JAM3: variants seen among roughly 807,000 people sequenced by gnomAD.
JAM3 encodes junctional adhesion molecule 3, also known as junctional adhesion molecule C.
JAM3 carries 31 observed loss-of-function variants against 39.4 expected under a neutral mutation model. The ratio of observed to expected loss-of-function variants is 0.79; its 90% CI spans 0.59 to 1.06. The LOEUF (loss-of-function observed/expected upper bound fraction) is 1.06, where lower values mean the gene tolerates loss of function less well. JAM3 is among the 50% of genes least tolerant of loss of function. JAM3 has a pLI of 0.00. For missense variants in JAM3, 455 were observed against 391.4 expected, an observed-to-expected ratio of 1.16 and a Z score of -1.37; for synonymous variants, 182 against 148.7, an observed-to-expected ratio of 1.22 and a Z score of -1.63.
intron 4 of JAM3, 77 bp downstream of exon 4, chr11:134,144,470 C>T (rs866505207): frequency 6.5e-7 from 1 of 1,545,372 alleles, no homozygotes; most frequent in South Asian, 1.1e-5. Flanking sequence ...TTCTTTCCTT[C>T]TAGAACTGTA....
chr11:134,110,362 T>G (rs1468758486), intron 1 of JAM3, among the ~76,000 whole-genome samples: 1 of 152,246 alleles, frequency 6.6e-6, no homozygotes, highest in Non-Finnish European at 1.5e-5. Context: ...ACACAAATAT[T>G]TATTTGTAGC....
At chr11:134,125,384 T>C (rs931042144) in intron 1 of JAM3, among the ~76,000 whole-genome samples, 6 of 152,260 alleles carry the variant, frequency 3.9e-5, no homozygotes, top group African/African-American at 1.4e-4. Context: ...GGATCTCCTT[T>C]TAGGCTTCAA....
intron 1 of JAM3, among the ~76,000 whole-genome samples, chr11:134,114,874 A>G (rs909086510): frequency 4.6e-5 from 7 of 152,188 alleles, no homozygotes; most frequent in Admixed American, 4.6e-4. Flanking sequence ...TAGTCGATAG[A>G]ATTTTTAAAA....
intron 1 of JAM3, among the ~76,000 whole-genome samples, chr11:134,132,460 A>G (rs1024163955): frequency 6.6e-6 from 1 of 152,236 alleles, no homozygotes; most frequent in African/African-American, 2.4e-5. Context: ...GAATACTTAG[A>G]CAATAATTCG....
At chr11:134,080,992 T>C (rs1941656378) in intron 1 of JAM3, among the ~76,000 whole-genome samples, 1 of 152,194 alleles carries the variant, frequency 6.6e-6, no homozygotes, top group African/African-American at 2.4e-5. Context: ...TAAAGGTGAC[T>C]CTTGGTATAT....
At chr11:134,109,243 T>G (rs1015263606) in intron 1 of JAM3, among the ~76,000 whole-genome samples, 2 of 152,096 alleles carry the variant, frequency 1.3e-5, no homozygotes, top group Non-Finnish European at 2.9e-5. Flanking sequence ...ATTACAGGCG[T>G]GAGCCACCGT....
At chr11:134,103,277 A>C (rs145443460) in intron 1 of JAM3, among the ~76,000 whole-genome samples, 23 of 152,216 alleles carry the variant, frequency 1.5e-4, no homozygotes, top group Non-Finnish European at 2.8e-4. Flanking sequence ...TCATAAGTGA[A>C]GGAGAAATAA....
chr11:134,122,760 T>C (rs1294749595), intron 1 of JAM3, among the ~76,000 whole-genome samples: 1 of 152,240 alleles, frequency 6.6e-6, no homozygotes, highest in African/African-American at 2.4e-5. Flanking sequence ...AATTCGCTGC[T>C]ATTTCTTTGA....
At chr11:134,126,753 G>A (rs1200804381) in intron 1 of JAM3, among the ~76,000 whole-genome samples, 3 of 152,182 alleles carry the variant, frequency 2.0e-5, no homozygotes, top group Admixed American at 6.5e-5. Flanking sequence ...CACTGTGCAT[G>A]GCAAGGGGCA....
intron 3 of JAM3, 87 bp downstream of exon 3, chr11:134,140,857 C>T: frequency 6.6e-7 from 1 of 1,513,468 alleles, no homozygotes; most frequent in Non-Finnish European, 8.9e-7. Flanking sequence ...TTACCTCAGA[C>T]TGGTAACCTG....
At chr11:134,080,295 A>G (rs1340008862) in intron 1 of JAM3, among the ~76,000 whole-genome samples, 2 of 152,242 alleles carry the variant, frequency 1.3e-5, no homozygotes, top group Non-Finnish European at 2.9e-5. Flanking sequence ...CCTTGGGGTA[A>G]CGTCAGTGAA....
At chr11:134,145,768 G>C (rs111841891) in intron 5 of JAM3, among the ~76,000 whole-genome samples, 178 bp from the exon 6 acceptor site, 1 of 152,224 alleles carries the variant, frequency 6.6e-6, no homozygotes, top group Admixed American at 6.5e-5. Flanking sequence ...AAGGGGATTG[G>C]TTGTTGGGGA....
chr11:134,110,954 C>A (rs1942297602), intron 1 of JAM3, among the ~76,000 whole-genome samples: 1 of 151,794 alleles, frequency 6.6e-6, no homozygotes, highest in Non-Finnish European at 1.5e-5. Context: ...TAGCTCTGTA[C>A]CAAATCCCTG....
chr11:134,070,831 C>G (rs1378057268), intron 1 of JAM3, among the ~76,000 whole-genome samples: 1 of 152,210 alleles, frequency 6.6e-6, no homozygotes, highest in African/African-American at 2.4e-5. Flanking sequence ...GATTTCCTTC[C>G]CCTAAGGGAC....
chr11:134,151,667 C>T lies in JAM3; in HGVS notation c.*2486C>T, dbSNP rs148651622. On this transcript the variant is annotated 3_prime_UTR_variant, in exon 9 of 9. Coordinates refer to ENST00000299106, the MANE Select transcript of JAM3 (RefSeq NM_032801.5). Reference sequence around the variant, plus strand: ...TGATTCTGCCTTTGGATGGATGTTGCTGTACACAGATGCTACAGACTTGTA... The same window carrying T: ...TGATTCTGCCTTTGGATGGATGTTGTTGTACACAGATGCTACAGACTTGTA... 14 of 152,320 alleles carry T rather than the reference C, an allele frequency of 9.2e-5. No homozygotes were observed. In the East Asian group the frequency reaches 9.6e-4, roughly 10 times the overall value. The allele number at this position is 152,320 out of a possible 1,614,324, so 9.4% of individuals were successfully genotyped here.
At chr11:134,107,281 A>G (rs962615623) in intron 1 of JAM3, among the ~76,000 whole-genome samples, 5 of 152,174 alleles carry the variant, frequency 3.3e-5, no homozygotes, top group Non-Finnish European at 5.9e-5. Flanking sequence ...GAATTGAACA[A>G]TGAGAACACT....
In JAM3 at chr11:134,069,149, G is replaced by C; in HGVS notation, c.66G>C (p.Leu22=). The C allele has an allele frequency of 6.2e-7, 1 of 1,612,906 alleles. No homozygotes were observed. Among genetic ancestry groups the C allele is most frequent in the Non-Finnish European group, 8.5e-7 (1 of 1,179,378 alleles). The change falls in exon 1 of 9, where the codon CTG becomes CTC. Residue 22 remains leucine (L), a synonymous_variant. Coordinates refer to ENST00000299106, the MANE Select transcript of JAM3 (RefSeq NM_032801.5). The part of the protein sequence containing the change: ...CARLPDFFLL[L]LFRGCLIGAV... ...GGCTGCCTGACTTCTTCCTGCTGCTGCTTTTCAGGGGTGAGTTTGCGCGTT... is the reference window on the plus strand; with the variant it reads ...GGCTGCCTGACTTCTTCCTGCTGCTCCTTTTCAGGGGTGAGTTTGCGCGTT...
Position 134,076,833 on chromosome 11 carries a change from C to CTTTTTTTT in JAM3, c.76+7687_76+7694dup, listed in dbSNP as rs71038556. Among the ~76,000 whole-genome samples, 6 of 118,530 alleles carry CTTTTTTTT rather than the reference C, an allele frequency of 5.1e-5. 1 individual carries two copies. Among genetic ancestry groups the CTTTTTTTT allele is most frequent in the African/African-American group, 6.7e-5 (2 of 29,790 alleles). The allele number at this position is 118,530 out of a possible 152,430, so 77.8% of individuals were successfully genotyped here. A position where few individuals can be genotyped will look rare whatever the true frequency, so the allele number is the denominator to read the frequency against. On this transcript the variant is annotated intron_variant, in intron 1 of 8. Coordinates refer to ENST00000299106, the MANE Select transcript of JAM3 (RefSeq NM_032801.5). ...TTTGCAATCTCACTAACATCTATTG[C>CTTTTTTTT]TTTTTTTTTTTTTTTTTTTTGAGAT...
intron 1 of JAM3, among the ~76,000 whole-genome samples, chr11:134,081,959 A>G (rs1001942578): frequency 1.3e-5 from 2 of 152,280 alleles, no homozygotes; most frequent in African/African-American, 4.8e-5. Flanking sequence ...TGACCTGGAT[A>G]TGAGACTTGG....
Sources: gnomAD v4.1 joint callset for allele counts (sites outside exome capture counted in the v4.1 genomes callset) on GRCh38, gnomAD v4.1.1 for gene constraint, MANE v1.5 for transcripts, NCBI Gene and HGNC (gene_info 2026-07-23, HGNC 2026-07-21) for gene names.